DCHS2: variants seen among roughly 807,000 people sequenced by gnomAD.
DCHS2 encodes the protein protocadherin-23.
Under a neutral mutation model 182.4 loss-of-function variants are expected in DCHS2, and 142 were observed. That is an observed-to-expected ratio of 0.78 (90% CI 0.68 to 0.89). The LOEUF is 0.89. DCHS2 is among the 40% of genes least tolerant of loss of function. The pLI, the probability that DCHS2 is intolerant of heterozygous loss-of-function variation, is 0.00. For missense variants in DCHS2, 4,319 were observed against 4,198.6 expected (o/e 1.03, Z -0.79); for synonymous variants, 1,740 against 1,663.3 (o/e 1.05, Z -1.12).
intron 1 of DCHS2, among the ~76,000 whole-genome samples, chr4:154,425,145 G>T (rs1733269683): frequency 6.6e-6 from 1 of 152,160 alleles, no homozygotes; most frequent in Non-Finnish European, 1.5e-5. Context: ...ATCTAGAGGG[G>T]TCTACCCCTT....
chr4:154,472,086 TATTA>T (rs1735496077), intron 1 of DCHS2, among the ~76,000 whole-genome samples: 1 of 152,222 alleles, frequency 6.6e-6, no homozygotes, highest in Non-Finnish European at 1.5e-5. Context: ...TGCAAGAAGT[TATTA>T]ATTAACATGA....
intron 1 of DCHS2, among the ~76,000 whole-genome samples, chr4:154,391,946 C>A (rs934964889): frequency 6.6e-6 from 1 of 152,064 alleles, no homozygotes; most frequent in Admixed American, 6.5e-5. Context: ...GAATAACATA[C>A]CCCAGGTTAT....
At chr4:154,357,313 G>A in intron 3 of DCHS2, 1 of 1,610,468 alleles carries the variant, frequency 6.2e-7, no homozygotes, top group African/African-American at 1.3e-5. Flanking sequence ...TCTACCTCTG[G>A]ACTATAGAGT....
chr4:154,277,630 C>CAAAAAAAAA (rs35543228), intron 13 of DCHS2, among the ~76,000 whole-genome samples: 1 of 102,504 alleles, frequency 9.8e-6, no homozygotes, highest in Non-Finnish European at 2.0e-5. Flanking sequence ...GAAATCACAC[C>CAAAAAAAAA]AAAAAAAAAA....
chr4:154,424,258 C>T (rs1733231918), intron 1 of DCHS2, among the ~76,000 whole-genome samples: 1 of 152,030 alleles, frequency 6.6e-6, no homozygotes, highest in African/African-American at 2.4e-5. Context: ...TACTGTAATT[C>T]AGGGATATAA....
chr4:154,333,735 A>T, intron 4 of DCHS2: 5 of 523,756 alleles, frequency 9.5e-6, no homozygotes, highest in East Asian at 6.6e-5. Flanking sequence ...GTGCAGTAAT[A>T]TGCTGTGCAG....
intron 1 of DCHS2, among the ~76,000 whole-genome samples, chr4:154,387,683 C>T (rs1164551247): frequency 6.6e-6 from 1 of 151,866 alleles, no homozygotes. Context: ...AGGAAAAAGT[C>T]AATAAATTGA....
rs938948225 is a variant in DCHS2 at position 154,328,216 on chromosome 4, C to A, written c.3919-24G>T. On this transcript the variant is annotated intron_variant, in intron 6 of 19. Coordinates refer to ENST00000357232, the MANE Select transcript of DCHS2 (RefSeq NM_001358235.2). ...ACCTGCCATTAAAACAAACAGCTTA[C>A]AAATGAGTCAGCAAAAGTTTAAAAA... 7 of 1,569,172 alleles carry A rather than the reference C, an allele frequency of 4.5e-6. No individual in the cohort carries two copies. The African/African-American group carries it at 8.2e-5, about 18-fold the overall frequency.
chr4:154,259,402 T>C, intron 15 of DCHS2, 143 bp downstream of exon 15: 1 of 1,412,670 alleles, frequency 7.1e-7, no homozygotes. Context: ...ATCTATAAAA[T>C]GTACATGGCC....
chr4:154,435,183 T>G (rs750234243), intron 1 of DCHS2, among the ~76,000 whole-genome samples: 1 of 152,162 alleles, frequency 6.6e-6, no homozygotes, highest in Non-Finnish European at 1.5e-5. Context: ...CTTCTGTAAA[T>G]CTAAAACAAT....
intron 13 of DCHS2, among the ~76,000 whole-genome samples, chr4:154,290,382 G>GT (rs1734599310): frequency 6.6e-6 from 1 of 151,976 alleles, no homozygotes; most frequent in Non-Finnish European, 1.5e-5. Context: ...GCAACCTAAA[G>GT]ATTCAATGCA....
At chr4:154,303,030 G>A (rs1578939718) in intron 12 of DCHS2, among the ~76,000 whole-genome samples, 1 of 148,154 alleles carries the variant, frequency 6.7e-6, no homozygotes, top group African/African-American at 2.5e-5. Context: ...CCCCCAGGAG[G>A]GAGTGCAATG....
chr4:154,320,168 A>T (rs562760996), intron 9 of DCHS2, among the ~76,000 whole-genome samples: 1 of 152,264 alleles, frequency 6.6e-6, no homozygotes, highest in South Asian at 2.1e-4. Context: ...TGCAGTGGTG[A>T]TTGTCAGAGG....
At position 154,268,239 on chromosome 4, in the gene DCHS2, C is replaced by CACA. The variant is rs1560998487; in HGVS notation, c.6577+1660_6577+1661insTGT. Among the ~76,000 whole-genome samples the CACA allele has an allele frequency of 4.0e-5, 6 of 148,716 alleles. No homozygotes were observed. The South Asian group carries it at 6.5e-4, about 16-fold the overall frequency. On this transcript the variant is annotated intron_variant, in intron 14 of 19. Transcript: ENST00000357232. ...CTTTCACCTTTCACTTTCCCCCCCCCAAAAAAATAACGCTTTACCACTTCT... is the reference window on the plus strand; with the variant it reads ...CTTTCACCTTTCACTTTCCCCCCCCCACAAAAAAAATAACGCTTTACCACTTCT...
intron 1 of DCHS2, among the ~76,000 whole-genome samples, chr4:154,433,364 G>A (rs1274318096): frequency 1.4e-5 from 2 of 145,960 alleles, no homozygotes; most frequent in Non-Finnish European, 3.0e-5. Context: ...CCAAAACTGT[G>A]AGAAAACAAA....
At chr4:154,354,941 C>T (rs1729791436) in intron 3 of DCHS2, 1 of 151,718 alleles carries the variant, frequency 6.6e-6, no homozygotes, top group Non-Finnish European at 1.5e-5. Flanking sequence ...TCCCCCATTC[C>T]TAAGTGAAAA....
intron 1 of DCHS2, among the ~76,000 whole-genome samples, chr4:154,426,286 T>G (rs971013510): frequency 2.0e-5 from 3 of 152,234 alleles, no homozygotes; most frequent in Admixed American, 1.3e-4. Context: ...CAATTAGTTT[T>G]TAGTGGCAGA....
At chr4:154,240,921 A>G (rs771766338) in intron 17 of DCHS2, 98 bp from the exon 18 acceptor site, 270 of 1,477,160 alleles carry the variant, frequency 1.8e-4, no homozygotes, top group Non-Finnish European at 2.2e-4. Flanking sequence ...TCTAAGTCCA[A>G]TATGATTTGC....
chr4:154,425,101 T>G (rs558930903), intron 1 of DCHS2, among the ~76,000 whole-genome samples: 1 of 152,208 alleles, frequency 6.6e-6, no homozygotes, highest in Admixed American at 6.5e-5. Flanking sequence ...AAATAACAGG[T>G]GACAGCAGTT....
Sources: gnomAD v4.1 joint callset for allele counts (sites outside exome capture counted in the v4.1 genomes callset) on GRCh38, gnomAD v4.1.1 for gene constraint, MANE v1.5 for transcripts, NCBI Gene and HGNC (gene_info 2026-07-23, HGNC 2026-07-21) for gene names.